Variants in NHERF4 observed in about 807,000 individuals in gnomAD.
NHERF4 encodes the protein Na(+)/H(+) exchange regulatory cofactor NHE-RF4.
the NHERF4 span, chr11:119,188,232 G>A: frequency 1.3e-6 from 2 of 1,555,256 alleles, no homozygotes; most frequent in Admixed American, 3.7e-5. Flanking sequence ...CACCGAAGAG[G>A]TGTCCCTGTC....
At chr11:119,187,230 G>A in the NHERF4 span, 2 of 1,479,064 alleles carry the variant, frequency 1.4e-6, no homozygotes, top group South Asian at 1.4e-5. Context: ...GTTGGCAAGA[G>A]GGTCTAGACC....
the NHERF4 span, chr11:119,185,603 T>C: frequency 7.9e-7 from 1 of 1,270,140 alleles, no homozygotes; most frequent in Non-Finnish European, 1.1e-6. Context: ...GCACACTTGA[T>C]TTTGGGGCTT....
the NHERF4 span, chr11:119,188,758 C>T: frequency 6.2e-7 from 1 of 1,614,096 alleles, no homozygotes; most frequent in Non-Finnish European, 8.5e-7. Flanking sequence ...ACAAGCGTGC[C>T]TTCTGTCCCT....
At chr11:119,189,135 C>T in the NHERF4 span, 1 of 1,613,926 alleles carries the variant, frequency 6.2e-7, no homozygotes, top group Non-Finnish European at 8.5e-7. The surrounding 1 kb of genome is among the most constrained non-coding windows in gnomAD (Gnocchi z 5.8). Flanking sequence ...GCTGAGCCAC[C>T]CCTCTGCCTG....
chr11:119,187,601 A>C, the NHERF4 span: 3 of 1,585,714 alleles, frequency 1.9e-6, no homozygotes, highest in Non-Finnish European at 2.6e-6. Context: ...TAAGTACTGG[A>C]GGAGCAGCTG....
the NHERF4 span, chr11:119,187,861 G>A: frequency 6.8e-7 from 1 of 1,471,122 alleles, no homozygotes; most frequent in Non-Finnish European, 9.0e-7. Context: ...TTAGTGCCTG[G>A]GAGGAGGGGC....
chr11:119,186,568 AG>A, the NHERF4 span: 6 of 1,614,168 alleles, frequency 3.7e-6, no homozygotes, highest in East Asian at 1.1e-4. This position sits in a 1 kb window ranked among gnomAD's most constrained non-coding sequence, Gnocchi z 4.4. Context: ...GGAGCTGGGC[AG>A]GGCTGGGCAT....
chr11:119,186,997 G>A, the NHERF4 span, among the ~76,000 whole-genome samples: 32 of 152,238 alleles, frequency 2.1e-4, no homozygotes, highest in Middle Eastern at 3.4e-3. The surrounding 1 kb of genome is among the most constrained non-coding windows in gnomAD (Gnocchi z 4.4). Flanking sequence ...AAATTAGCTG[G>A]GCGTGGTGGC....
chr11:119,187,492 A>G, the NHERF4 span: 1 of 1,613,078 alleles, frequency 6.2e-7, no homozygotes, highest in Admixed American at 1.7e-5. Flanking sequence ...GGCGGCAAGG[A>G]TGAGGGATCT....
At chr11:119,186,208 G>T in the NHERF4 span, 2 of 1,613,990 alleles carry the variant, frequency 1.2e-6, no homozygotes, top group Non-Finnish European at 1.7e-6. The surrounding 1 kb of genome is among the most constrained non-coding windows in gnomAD (Gnocchi z 4.4). Flanking sequence ...ATCCCTGGAG[G>T]CACCACGGCT....
At chr11:119,189,421 G>C in the NHERF4 span, 1 of 1,611,078 alleles carries the variant, frequency 6.2e-7, no homozygotes, top group South Asian at 1.1e-5. The surrounding 1 kb of genome is among the most constrained non-coding windows in gnomAD (Gnocchi z 5.8). Context: ...AACTCTTCTG[G>C]GTCCCACCTG....
chr11:119,186,606 C>G, the NHERF4 span: 3 of 1,614,066 alleles, frequency 1.9e-6, no homozygotes, highest in Non-Finnish European at 2.5e-6. The surrounding 1 kb of genome is among the most constrained non-coding windows in gnomAD (Gnocchi z 4.4). Context: ...ACCCAGGCAC[C>G]TCTGCCCAGC....
At chr11:119,189,382 T>C in the NHERF4 span, 15 of 1,562,664 alleles carry the variant, frequency 9.6e-6, no homozygotes, top group East Asian at 3.4e-4. The surrounding 1 kb of genome is among the most constrained non-coding windows in gnomAD (Gnocchi z 5.8). Context: ...TTTCTGGGCA[T>C]TCCAGTGCAG....
At chr11:119,187,741 C>T in the NHERF4 span, 2 of 1,473,168 alleles carry the variant, frequency 1.4e-6, no homozygotes, top group Non-Finnish European at 1.8e-6. Flanking sequence ...CCAATCCGGG[C>T]CTGGGCCCCA....
the NHERF4 span, chr11:119,189,038 C>G: frequency 3.0e-5 from 49 of 1,614,008 alleles, no homozygotes; most frequent in African/African-American, 6.3e-4. This position sits in a 1 kb window ranked among gnomAD's most constrained non-coding sequence, Gnocchi z 5.8. Context: ...CCGGGCTGGG[C>G]TGCAAGTGGG....
the NHERF4 span, chr11:119,187,417 A>C: frequency 2.0e-5 from 33 of 1,613,976 alleles, no homozygotes; most frequent in Non-Finnish European, 2.7e-5. Flanking sequence ...GCTGTGCCAC[A>C]TAGTGAAAGA....
the NHERF4 span, chr11:119,187,577 T>C: frequency 6.3e-7 from 1 of 1,591,988 alleles, no homozygotes; most frequent in Non-Finnish European, 8.6e-7. Flanking sequence ...ATCAGGGTCC[T>C]TTCTGGTTGG....
At chr11:119,188,766 C>T in the NHERF4 span, 4 of 1,614,178 alleles carry the variant, frequency 2.5e-6, no homozygotes, top group East Asian at 2.2e-5. Flanking sequence ...GCCTTCTGTC[C>T]CTCTTGGCTC....
the NHERF4 span, chr11:119,187,875 G>C: frequency 5.4e-6 from 8 of 1,477,948 alleles, no homozygotes; most frequent in African/African-American, 9.9e-5. Flanking sequence ...GAGGGGCTGT[G>C]GGGGGAGCAT....
Sources: allele counts gnomAD v4.1 joint callset (sites outside exome capture counted in the v4.1 genomes callset), GRCh38; gene constraint gnomAD v4.1.1; non-coding constraint Gnocchi (gnomAD v3.1); transcripts MANE v1.5; gene names NCBI Gene and HGNC (gene_info 2026-07-23, HGNC 2026-07-21).